CEACAM3: variants seen among roughly 807,000 people sequenced by gnomAD.
The protein encoded by CEACAM3 is cell adhesion molecule CEACAM3.
In CEACAM3, 32 loss-of-function variants were observed where a neutral mutation model predicts 30.1. That is an observed-to-expected ratio of 1.06 (90% CI 0.80 to 1.43). CEACAM3 has a LOEUF of 1.43. Among genes scored for constraint, CEACAM3 ranks in the 40% most tolerant of loss-of-function variants. The pLI is 0.00. For synonymous variants in CEACAM3, 134 were observed against 127.2 expected (o/e 1.05, Z -0.36); for missense variants, 290 against 316.3 (o/e 0.92, Z 0.63).
At chr19:41,801,199 A>T (rs1040375954) in intron 2 of CEACAM3, among the ~76,000 whole-genome samples, 1 of 151,964 alleles carries the variant, frequency 6.6e-6, no homozygotes, top group Non-Finnish European at 1.5e-5. Flanking sequence ...CTCTAACAAG[A>T]CTGGCTGTTC....
At chr19:41,802,716 A>G (rs149849284) in intron 2 of CEACAM3, among the ~76,000 whole-genome samples, 27 of 152,334 alleles carry the variant, frequency 1.8e-4, no homozygotes, top group Non-Finnish European at 3.5e-4. Flanking sequence ...GAAAGGAATT[A>G]TTTGGAAAGA....
At chr19:41,802,393 C>T (rs1263457230) in intron 2 of CEACAM3, among the ~76,000 whole-genome samples, 7 of 152,218 alleles carry the variant, frequency 4.6e-5, no homozygotes, top group East Asian at 1.9e-4. Context: ...AGCTAGGCCT[C>T]GGTGTTAATT....
In CEACAM3 at chr19:41,801,576, C is replaced by T. The variant is rs1409896391; in HGVS notation, c.424+3628C>T. Among the ~76,000 whole-genome samples, 4 of 152,216 alleles carry T rather than the reference C, an allele frequency of 2.6e-5. No individual in the cohort carries two copies. The East Asian group carries it at 7.7e-4, about 29-fold the overall frequency. On this transcript the variant is annotated intron_variant, in intron 2 of 6. Transcript: ENST00000357396. The stretch of plus-strand genomic sequence containing the variant: ...GACAAGAGTTTATTATTACTTAAAT[C>T]AGCCTCCCTGGAGGCTTGAGATTAG...
intron 2 of CEACAM3, among the ~76,000 whole-genome samples, chr19:41,799,679 G>A (rs1306453560): frequency 1.3e-5 from 2 of 152,124 alleles, no homozygotes; most frequent in Non-Finnish European, 2.9e-5. Flanking sequence ...TCCCACAGGA[G>A]GATAAAACAC....
intron 2 of CEACAM3, among the ~76,000 whole-genome samples, chr19:41,802,187 G>T (rs182515466): frequency 6.6e-6 from 1 of 152,262 alleles, no homozygotes; most frequent in East Asian, 1.9e-4. Flanking sequence ...AGTCCCCAAA[G>T]CTCATGGCTC....
chr19:41,811,074 A>C, intron 6 of CEACAM3, 98 bp from the exon 7 acceptor site: 3 of 1,388,718 alleles, frequency 2.2e-6, no homozygotes, highest in Non-Finnish European at 2.0e-6. Context: ...AGCCAGGTTC[A>C]GCCCCAGAGC....
intron 2 of CEACAM3, among the ~76,000 whole-genome samples, chr19:41,806,787 C>T (rs976475918): frequency 5.9e-5 from 9 of 152,054 alleles, no homozygotes; most frequent in Admixed American, 1.3e-4. Context: ...CCCGGGTTCA[C>T]ACCATTCTCC....
chr19:41,801,644 G>C (rs1321705885), intron 2 of CEACAM3, among the ~76,000 whole-genome samples: 2 of 152,202 alleles, frequency 1.3e-5, no homozygotes, highest in Non-Finnish European at 2.9e-5. Flanking sequence ...TAGGGAATGG[G>C]GAAAGCTGAT....
At position 41,797,866 on chromosome 19, in the gene CEACAM3, G is replaced by A. The variant is rs782678175; in HGVS notation, c.342G>A (p.Gln114=). The change falls in exon 2 of 7, where the codon CAG becomes CAA. Residue 114 remains glutamine, a synonymous_variant. Transcript: ENST00000357396. ...CCCTGCTGATCCAGAATGTCACCCA[G>A]AATGACATAGGATTCTACACCCTAC... ...NASLLIQNVT[Q]NDIGFYTLQV... 6.2e-7 allele frequency: 1 copy of A among 1,613,954 alleles called. No individual in the cohort carries two copies. Among genetic ancestry groups the A allele is most frequent in the South Asian group, 1.1e-5 (1 of 91,086 alleles).
intron 2 of CEACAM3, among the ~76,000 whole-genome samples, chr19:41,806,244 G>T (rs1457035266): frequency 1.3e-5 from 2 of 152,090 alleles, no homozygotes; most frequent in African/African-American, 4.8e-5. Flanking sequence ...TGGTCAGGCT[G>T]GTCTCGAACT....
rs2073105596 is a variant in CEACAM3, at chr19:41,796,738, A to C, written c.61A>C (p.Thr21Pro). 1 of 1,612,534 alleles carries C rather than the reference A, an allele frequency of 6.2e-7. No homozygotes were observed. Among genetic ancestry groups the C allele is most frequent in the Non-Finnish European group, 8.5e-7 (1 of 1,179,256 alleles). Residue 21 changes from threonine to proline, a missense_variant, in exon 1 of 7, where the codon ACA becomes CCA. Thr to Pro is a conservative substitution (Grantham distance 38). Coordinates refer to ENST00000357396, the MANE Select transcript of CEACAM3 (RefSeq NM_001815.5). The stretch of plus-strand genomic sequence containing the variant: ...CATCCCCTGGCAGGGGCTTCTGCTC[A>C]CAGGTGAGTGGAGGATTCCTGGGAG... The part of the protein sequence containing the change: ...ECIPWQGLLL[T>P]ASLLNFWNPP...
rs113224474 is a variant in CEACAM3, at chr19:41,802,138, A to G, written c.424+4190A>G. ...TGCAAAAGTGGTTTCACTCTCTACAATGACTCACCAGGGGTCAGAGGCAAG... is the reference window on the plus strand; with the variant it reads ...TGCAAAAGTGGTTTCACTCTCTACAGTGACTCACCAGGGGTCAGAGGCAAG... On this transcript the variant is annotated intron_variant, in intron 2 of 6. Coordinates refer to ENST00000357396, the MANE Select transcript of CEACAM3 (RefSeq NM_001815.5). Among the ~76,000 whole-genome samples, 72 of 152,216 alleles carry G rather than the reference A, an allele frequency of 4.7e-4. 1 individual carries two copies. Among genetic ancestry groups the G allele is most frequent in the African/African-American group, 1.6e-3 (68 of 41,528 alleles).
intron 3 of CEACAM3, chr19:41,809,325 C>G: frequency 5.4e-6 from 1 of 185,112 alleles, no homozygotes; most frequent in Non-Finnish European, 1.1e-5. Context: ...GGCTCCGGAT[C>G]CTGGGCACCG....
intron 5 of CEACAM3, 24 bp downstream of exon 5, chr19:41,810,378 C>T: frequency 1.9e-6 from 3 of 1,591,564 alleles, no homozygotes; most frequent in Non-Finnish European, 2.6e-6. Flanking sequence ...CTTCCAGCCC[C>T]TTTCTACTGG....
At chr19:41,806,123 G>A (rs1211695298) in intron 2 of CEACAM3, among the ~76,000 whole-genome samples, 1 of 152,056 alleles carries the variant, frequency 6.6e-6, no homozygotes, top group African/African-American at 2.4e-5. Context: ...TGCCTCCCAG[G>A]TTCAAGTGAT....
intron 2 of CEACAM3, among the ~76,000 whole-genome samples, chr19:41,801,574 A>G (rs782637361): frequency 2.0e-5 from 3 of 152,352 alleles, no homozygotes; most frequent in Middle Eastern, 3.4e-3. Flanking sequence ...TATTACTTAA[A>G]TCAGCCTCCC....
chr19:41,805,285 C>CTTTTTTTT (rs782317671), intron 2 of CEACAM3, among the ~76,000 whole-genome samples: 2 of 105,052 alleles, frequency 1.9e-5, no homozygotes, highest in African/African-American at 7.2e-5. Context: ...CTTTTTTCTT[C>CTTTTTTTT]TTTTTTTTTT....
chr19:41,811,469 C>T lies in CEACAM3; in HGVS notation c.*232C>T, dbSNP rs551277338. ...AAAGGCCTCTCATCACCGCAGAAAG[C>T]GGGGGCTTGCAGGGAAAGTGAATGG... On this transcript the variant is annotated 3_prime_UTR_variant, in exon 7 of 7. Transcript: ENST00000357396. 1.9e-4 allele frequency: 97 copies of T among 517,746 alleles called. No homozygotes were observed. The highest frequency in any genetic ancestry group is 1.6e-3 in the African/African-American group (84 of 53,030). The allele number at this position is 517,746 out of a possible 1,614,324, so 32.1% of individuals were successfully genotyped here. A position where few individuals can be genotyped will look rare whatever the true frequency, so the allele number is the denominator to read the frequency against.
intron 2 of CEACAM3, among the ~76,000 whole-genome samples, chr19:41,808,064 T>C (rs2073217909): frequency 6.6e-6 from 1 of 152,208 alleles, no homozygotes; most frequent in African/African-American, 2.4e-5. Flanking sequence ...CCCTGAGCCC[T>C]GGGTAAAGCC....
Sources: allele counts gnomAD v4.1 joint callset (sites outside exome capture counted in the v4.1 genomes callset), GRCh38; gene constraint gnomAD v4.1.1; transcripts MANE v1.5; gene names NCBI Gene and HGNC (gene_info 2026-07-23, HGNC 2026-07-21).